The following SLC25A21 variants were observed in gnomAD, a reference collection of about 807,000 sequenced individuals.
The protein encoded by SLC25A21 is solute carrier family 25 member 21.
In SLC25A21, 47 loss-of-function variants were observed where a neutral mutation model predicts 43.8. The ratio of observed to expected loss-of-function variants is 1.07; its 90% confidence interval spans 0.85 to 1.37. The LOEUF is 1.37. Ranked by LOEUF, SLC25A21 falls within the 40% of genes most tolerant of loss-of-function variation. SLC25A21 has a pLI of 0.00. For synonymous variants in SLC25A21, 131 were observed against 121.3 expected, an observed-to-expected ratio of 1.08 and a Z score of -0.52; for missense variants, 352 against 350.2, an observed-to-expected ratio of 1.00 and a Z score of -0.04.
At chr14:36,746,191 T>C (rs1170155514) in intron 3 of SLC25A21, among the ~76,000 whole-genome samples, 1 of 152,164 alleles carries the variant, frequency 6.6e-6, no homozygotes, top group Non-Finnish European at 1.5e-5. Context: ...AGCAAAGTCA[T>C]GGAATCAATC....
At chr14:36,817,404 G>A (rs1249040131) in intron 2 of SLC25A21, among the ~76,000 whole-genome samples, 3 of 152,084 alleles carry the variant, frequency 2.0e-5, no homozygotes, top group Non-Finnish European at 4.4e-5. Context: ...CATTTCAGGT[G>A]GGGAGATGAC....
At chr14:36,738,990 A>C (rs990597752) in intron 3 of SLC25A21, among the ~76,000 whole-genome samples, 1 of 152,200 alleles carries the variant, frequency 6.6e-6, no homozygotes, top group African/African-American at 2.4e-5. Flanking sequence ...GAGGACTACC[A>C]TCATGTCAAT....
intron 1 of SLC25A21, among the ~76,000 whole-genome samples, chr14:36,934,469 T>TAA (rs5807923): frequency 3.5e-4 from 49 of 140,510 alleles, no homozygotes; most frequent in Non-Finnish European, 5.7e-4. Flanking sequence ...ATCTTGGGAG[T>TAA]AAAAAAAAAA....
At chr14:36,923,043 A>C (rs951746152) in intron 1 of SLC25A21, among the ~76,000 whole-genome samples, 2 of 152,174 alleles carry the variant, frequency 1.3e-5, no homozygotes, top group Non-Finnish European at 2.9e-5. Flanking sequence ...ATTAGTAGAC[A>C]AGGCTTTTAG....
chr14:36,728,306 T>C (rs1053242049), intron 5 of SLC25A21, among the ~76,000 whole-genome samples: 1 of 152,080 alleles, frequency 6.6e-6, no homozygotes, highest in Non-Finnish European at 1.5e-5. Context: ...TTCTCAAGAG[T>C]CCAAAGACCT....
At chr14:37,085,418 TA>T (rs138388280) in intron 1 of SLC25A21, among the ~76,000 whole-genome samples, 3,984 of 152,308 alleles carry the variant, frequency 0.026, 183 homozygotes, top group African/African-American at 0.088. Flanking sequence ...GAACAAACCC[TA>T]AAAACTATAT....
intron 7 of SLC25A21, among the ~76,000 whole-genome samples, chr14:36,692,340 G>A (rs1398140566): frequency 3.3e-5 from 5 of 152,170 alleles, no homozygotes; most frequent in Admixed American, 2.6e-4. Flanking sequence ...CATCAGAAAC[G>A]TGATCATATG....
At chr14:36,769,980 T>G (rs1018933704) in intron 3 of SLC25A21, among the ~76,000 whole-genome samples, 6 of 152,192 alleles carry the variant, frequency 3.9e-5, no homozygotes, top group Non-Finnish European at 5.9e-5. Flanking sequence ...TTGGTATCTT[T>G]GAGAGCGGCA....
At chr14:36,789,915 T>TA (rs1887417527) in intron 3 of SLC25A21, among the ~76,000 whole-genome samples, 1 of 122,686 alleles carries the variant, frequency 8.2e-6, no homozygotes, top group Non-Finnish European at 1.6e-5. Flanking sequence ...TTTATATATA[T>TA]TATATATTTA....
intron 7 of SLC25A21, among the ~76,000 whole-genome samples, chr14:36,693,466 C>G (rs1882880302): frequency 6.6e-6 from 1 of 151,988 alleles, no homozygotes; most frequent in African/African-American, 2.4e-5. Context: ...GGCTTTAGCA[C>G]TAGACTGAAC....
At chr14:36,987,404 A>G (rs1003344963) in intron 1 of SLC25A21, among the ~76,000 whole-genome samples, 5 of 152,198 alleles carry the variant, frequency 3.3e-5, no homozygotes, top group African/African-American at 1.2e-4. Context: ...ATACATGATC[A>G]TTTTAGAAAA....
intron 2 of SLC25A21, among the ~76,000 whole-genome samples, chr14:36,823,066 G>A (rs894830601): frequency 1.4e-4 from 21 of 152,150 alleles, no homozygotes; most frequent in Non-Finnish European, 2.6e-4. Context: ...ATTGTGATAA[G>A]AGAGTTTATT....
chr14:36,865,486 C>G (rs1480670812), intron 2 of SLC25A21, among the ~76,000 whole-genome samples: 6 of 152,062 alleles, frequency 3.9e-5, no homozygotes, highest in Non-Finnish European at 4.4e-5. Flanking sequence ...ACGGAATGAG[C>G]TCTGCAAGGC....
At chr14:36,839,523 A>C (rs1485748429) in intron 2 of SLC25A21, among the ~76,000 whole-genome samples, 2 of 152,254 alleles carry the variant, frequency 1.3e-5, no homozygotes, top group Admixed American at 6.5e-5. Context: ...CTTGCTCTAA[A>C]AAATTATTTT....
rs151253947 is a variant in SLC25A21 at position 36,706,806 on chromosome 14, A to G, written c.603+4512T>C. 6.8e-3 allele frequency among the ~76,000 whole-genome samples: 1,040 copies of G among 152,282 alleles called. 16 individuals carry two copies. Among genetic ancestry groups the G allele is most frequent in the African/African-American group, 0.024 (981 of 41,560 alleles). ...GTCTCCCCCATGGACGCTATAGTCC[A>G]AGACCCCACCACTTTGTATTGCAGT... On this transcript the variant is annotated intron_variant, in intron 7 of 9. Transcript: ENST00000331299.
intron 7 of SLC25A21, among the ~76,000 whole-genome samples, chr14:36,692,753 G>A (rs1057233715): frequency 3.3e-5 from 5 of 152,196 alleles, no homozygotes; most frequent in African/African-American, 1.2e-4. Flanking sequence ...CTCTGCAAAA[G>A]GCAAGGTTGA....
At chr14:37,135,748 C>T (rs767852741) in intron 1 of SLC25A21, among the ~76,000 whole-genome samples, 2 of 152,264 alleles carry the variant, frequency 1.3e-5, no homozygotes, top group South Asian at 2.1e-4. Flanking sequence ...TACAATCTTT[C>T]GTGAGAGCTC....
intron 1 of SLC25A21, among the ~76,000 whole-genome samples, chr14:36,881,016 G>T (rs1293177212): frequency 6.6e-6 from 1 of 152,160 alleles, no homozygotes. Flanking sequence ...CATGTAAAGG[G>T]AAGACATTGA....
intron 1 of SLC25A21, among the ~76,000 whole-genome samples, chr14:37,064,873 A>C (rs1962028582): frequency 6.6e-6 from 1 of 152,228 alleles, no homozygotes; most frequent in Non-Finnish European, 1.5e-5. Flanking sequence ...AAAAGAGTAT[A>C]GAACATTGGG....
Sources: allele counts gnomAD v4.1 joint callset (sites outside exome capture counted in the v4.1 genomes callset), GRCh38; gene constraint gnomAD v4.1.1; transcripts MANE v1.5; gene names NCBI Gene and HGNC (gene_info 2026-07-23, HGNC 2026-07-21).